DCHS2: variants seen among roughly 807,000 people sequenced by gnomAD.
The protein encoded by DCHS2 is protocadherin-23.
Under a neutral mutation model 182.4 loss-of-function variants are expected in DCHS2, and 142 were observed. That is an observed-to-expected ratio of 0.78 (90% CI 0.68 to 0.89). The LOEUF (loss-of-function observed/expected upper bound fraction) is 0.89, where lower values mean the gene tolerates loss of function less well. DCHS2 is among the 40% of genes least tolerant of loss of function. DCHS2 has a pLI of 0.00. For missense variants in DCHS2, 4,319 were observed against 4,198.6 expected (o/e 1.03, Z -0.79); for synonymous variants, 1,740 against 1,663.3 (o/e 1.05, Z -1.12).
chr4:154,284,391 G>C (rs1424566084), intron 13 of DCHS2: 1 of 152,158 alleles, frequency 6.6e-6, no homozygotes, highest in African/African-American at 2.4e-5. Flanking sequence ...AAACAAAATT[G>C]AACAATTATC....
chr4:154,350,169 AC>A (rs1729540467), intron 3 of DCHS2, among the ~76,000 whole-genome samples: 1 of 152,242 alleles, frequency 6.6e-6, no homozygotes. Context: ...TAAAGAAAGA[AC>A]TGTAGCATGA....
intron 1 of DCHS2, among the ~76,000 whole-genome samples, chr4:154,479,371 G>A (rs981971073): frequency 2.0e-5 from 3 of 150,404 alleles, no homozygotes; most frequent in African/African-American, 7.3e-5. Flanking sequence ...AGACAGAAAA[G>A]AAAGAATAGA....
intron 7 of DCHS2, among the ~76,000 whole-genome samples, chr4:154,326,723 AC>A (rs1406055199): frequency 6.6e-6 from 1 of 151,964 alleles, no homozygotes; most frequent in African/African-American, 2.4e-5. Flanking sequence ...GTAAAGTGTG[AC>A]CCCTACTCTT....
chr4:154,317,371 T>G (rs748007043), intron 9 of DCHS2, among the ~76,000 whole-genome samples: 3 of 152,238 alleles, frequency 2.0e-5, no homozygotes, highest in Non-Finnish European at 4.4e-5. Context: ...CTAACAGATA[T>G]CAGCAGCCTG....
chr4:154,239,062 G>C (rs1480738596), intron 19 of DCHS2, 108 bp downstream of exon 19: 4 of 1,395,556 alleles, frequency 2.9e-6, no homozygotes, highest in Non-Finnish European at 2.9e-6. Flanking sequence ...AATTCCATGC[G>C]GGGTGGGGAG....
At chr4:154,348,795 T>TA (rs1729472943) in intron 3 of DCHS2, among the ~76,000 whole-genome samples, 1 of 151,920 alleles carries the variant, frequency 6.6e-6, no homozygotes, top group African/African-American at 2.4e-5. Flanking sequence ...CCAGAACTGT[T>TA]AGAGAATGAG....
chr4:154,331,564 A>C (rs1561047645), intron 5 of DCHS2: 1 of 1,594,142 alleles, frequency 6.3e-7, no homozygotes, highest in East Asian at 2.2e-5. Context: ...AAAACCCTCC[A>C]TCTGCTGTGA....
intron 1 of DCHS2, 87 bp from the exon 2 acceptor site, chr4:154,377,531 A>G: frequency 9.6e-7 from 1 of 1,046,020 alleles, no homozygotes; most frequent in Non-Finnish European, 1.4e-6. Context: ...AATTTGCACA[A>G]CCACATAACC....
At chr4:154,266,145 TA>T (rs1733244642) in intron 14 of DCHS2, among the ~76,000 whole-genome samples, 2 of 152,082 alleles carry the variant, frequency 1.3e-5, no homozygotes, top group African/African-American at 4.8e-5. Flanking sequence ...TAAAGTGAGG[TA>T]AATGACATGG....
rs903173063 is a variant in DCHS2 at position 154,351,310 on chromosome 4, G to A, written c.2476+14900C>T. Among the ~76,000 whole-genome samples the A allele has an allele frequency of 6.6e-5, 10 of 152,268 alleles. No homozygotes were observed. The Middle Eastern group carries it at 0.01, about 155-fold the overall frequency. Reference sequence around the variant, plus strand: ...GGGAGTGTAAAGAGGAGTTGTGTGGGCAAATTTGGAGGGGGTTGTAGTCTA... The same window carrying A: ...GGGAGTGTAAAGAGGAGTTGTGTGGACAAATTTGGAGGGGGTTGTAGTCTA... On this transcript the variant is annotated intron_variant, in intron 3 of 19. Coordinates refer to ENST00000357232, the MANE Select transcript of DCHS2 (RefSeq NM_001358235.2).
chr4:154,446,501 T>C (rs1263146782), intron 1 of DCHS2, among the ~76,000 whole-genome samples: 1 of 152,210 alleles, frequency 6.6e-6, no homozygotes, highest in Non-Finnish European at 1.5e-5. Flanking sequence ...TTACACAGTA[T>C]ACTATTTAAT....
intron 1 of DCHS2, among the ~76,000 whole-genome samples, chr4:154,429,468 C>A (rs557627151): frequency 6.6e-6 from 1 of 152,232 alleles, no homozygotes; most frequent in East Asian, 1.9e-4. Flanking sequence ...TAGGCTTAAC[C>A]AAACAAAATG....
chr4:154,234,877 C>T lies in DCHS2; in HGVS notation c.9775G>A (p.Asp3259Asn), dbSNP rs763947721. Residue 3259 changes from aspartate (D) to asparagine (N), a missense_variant, in exon 20 of 20, where the codon GAT becomes AAT. Physicochemically the swap from Asp to Asn is conservative, Grantham distance 23. Coordinates refer to ENST00000357232, the MANE Select transcript of DCHS2 (RefSeq NM_001358235.2). ...SVFNDIAKLK[D>N]EHLHMPGIPK... ...ATGCCAGGCATATGCAAATGTTCAT[C>T]CTTTAGTTTTGCAATATCATTAAAT... 3 of 1,613,794 alleles carry T rather than the reference C, an allele frequency of 1.9e-6. No homozygotes were observed. Among genetic ancestry groups the T allele is most frequent in the African/African-American group, 1.3e-5 (1 of 74,878 alleles).
At chr4:154,457,658 C>T (rs974706030) in intron 1 of DCHS2, among the ~76,000 whole-genome samples, 3 of 152,184 alleles carry the variant, frequency 2.0e-5, no homozygotes, top group Non-Finnish European at 4.4e-5. Context: ...CCATCTGTTA[C>T]ATCTGGCTTA....
intron 1 of DCHS2, among the ~76,000 whole-genome samples, chr4:154,450,773 C>G (rs540849420): frequency 6.6e-6 from 1 of 152,088 alleles, no homozygotes; most frequent in African/African-American, 2.4e-5. Flanking sequence ...GCAGAGGTTA[C>G]AGTGAGCCAT....
At chr4:154,284,121 C>G (rs1734280745) in intron 13 of DCHS2, among the ~76,000 whole-genome samples, 1 of 152,000 alleles carries the variant, frequency 6.6e-6, no homozygotes, top group Non-Finnish European at 1.5e-5. Flanking sequence ...TTTTAGTTGC[C>G]AAATAATAAA....
At position 154,471,225 on chromosome 4, in the gene DCHS2, G is replaced by C. The variant is rs534224222; in HGVS notation, c.2052+18079C>G. Among the ~76,000 whole-genome samples, 6 of 152,198 alleles carry C rather than the reference G, an allele frequency of 3.9e-5. No individual in the cohort carries two copies. The South Asian group carries it at 1.2e-3, about 32-fold the overall frequency. ...CAGTGTCTCCGACAGCCCAGTTTTT[G>C]TTTCAGAATGATTCCACAATCTATA... On this transcript the variant is annotated intron_variant, in intron 1 of 19. Transcript: ENST00000357232.
At chr4:154,297,511 A>G (rs934109549) in intron 13 of DCHS2, among the ~76,000 whole-genome samples, 8 of 152,232 alleles carry the variant, frequency 5.3e-5, no homozygotes, top group Non-Finnish European at 7.3e-5. Flanking sequence ...TCCAAACATA[A>G]GGGAACTAAG....
rs1485954228 is a variant in DCHS2, at chr4:154,322,474, G to A, written c.4033C>T (p.His1345Tyr). ...YSVSSEDSSDHFKIDANNGEI... is the reference protein window; with the variant it reads ...YSVSSEDSSDYFKIDANNGEI... ...CCATTGTTGGCGTCAATCTTAAAGT[G>A]ATCAGAACTATCTTCTACACACACA... The change falls in exon 8 of 20, where the codon CAC becomes TAC. Residue 1345 changes from histidine (H) to tyrosine (Y), a missense_variant. Transcript: ENST00000357232. 1.2e-6 allele frequency: 2 copies of A among 1,611,482 alleles called. No homozygotes were observed. The highest frequency in any genetic ancestry group is 1.7e-5 in the Admixed American group (1 of 59,404).
Sources: allele counts gnomAD v4.1 joint callset (sites outside exome capture counted in the v4.1 genomes callset), GRCh38; gene constraint gnomAD v4.1.1; transcripts MANE v1.5; gene names NCBI Gene and HGNC (gene_info 2026-07-23, HGNC 2026-07-21).